The following XRCC4 variants were observed in gnomAD, a reference collection of about 807,000 sequenced individuals.
The protein encoded by XRCC4 is DNA repair protein XRCC4.
Under a neutral mutation model 39.1 loss-of-function variants are expected in XRCC4, and 28 were observed. That is an observed-to-expected ratio of 0.72 (90% CI 0.53 to 0.98). The LOEUF (loss-of-function observed/expected upper bound fraction) is 0.98. XRCC4 is among the 50% of genes least tolerant of loss of function. The pLI is 0.00. For synonymous variants in XRCC4, 123 were observed against 126.4 expected (o/e 0.97, Z 0.18); for missense variants, 350 against 376.4 (o/e 0.93, Z 0.58).
At chr5:83,326,631 G>T (rs1175121565) in intron 7 of XRCC4, among the ~76,000 whole-genome samples, 3 of 151,926 alleles carry the variant, frequency 2.0e-5, no homozygotes, top group Non-Finnish European at 2.9e-5. Flanking sequence ...TTGAAGTTTT[G>T]CTTTTACAAG....
At chr5:83,347,742 C>CA (rs1057053329) in intron 7 of XRCC4, among the ~76,000 whole-genome samples, 1 of 152,120 alleles carries the variant, frequency 6.6e-6, no homozygotes, top group African/African-American at 2.4e-5. Context: ...AAGAGTCCCC[C>CA]AAAATCTTAA....
chr5:83,258,913 A>G (rs539688591), intron 7 of XRCC4: 42 of 445,694 alleles, frequency 9.4e-5, no homozygotes, highest in African/African-American at 7.5e-4. Context: ...CATGGTTTTT[A>G]TAGATTAATT....
intron 3 of XRCC4, among the ~76,000 whole-genome samples, chr5:83,186,976 C>A (rs1245405668): frequency 5.0e-5 from 2 of 40,144 alleles, no homozygotes; most frequent in African/African-American, 3.5e-4. Flanking sequence ...CGGAGTCTCG[C>A]TCTGTCGCCC....
chr5:83,137,096 C>T (rs1747936731), intron 3 of XRCC4, among the ~76,000 whole-genome samples: 1 of 151,998 alleles, frequency 6.6e-6, no homozygotes, highest in South Asian at 2.1e-4. Flanking sequence ...TTATGATTAC[C>T]ATCCAAAAGT....
At chr5:83,310,584 T>C (rs1365300412) in intron 7 of XRCC4, among the ~76,000 whole-genome samples, 1 of 152,150 alleles carries the variant, frequency 6.6e-6, no homozygotes, top group African/African-American at 2.4e-5. Context: ...GAATCTATGG[T>C]GACATGTGAA....
intron 1 of XRCC4, among the ~76,000 whole-genome samples, chr5:83,100,145 G>T (rs1452118946): frequency 1.3e-5 from 2 of 152,122 alleles, no homozygotes; most frequent in Non-Finnish European, 2.9e-5. Flanking sequence ...TTACTTGTAG[G>T]ATACTATGTT....
chr5:83,154,499 C>G (rs191675110), intron 3 of XRCC4, among the ~76,000 whole-genome samples: 1 of 152,154 alleles, frequency 6.6e-6, no homozygotes, highest in Non-Finnish European at 1.5e-5. Context: ...TGGTCCCAAG[C>G]ATTTCAGATA....
At chr5:83,137,746 T>C (rs896820787) in intron 3 of XRCC4, among the ~76,000 whole-genome samples, 2 of 152,090 alleles carry the variant, frequency 1.3e-5, no homozygotes, top group African/African-American at 4.8e-5. Flanking sequence ...AATTAATTAG[T>C]GTGTGTGTGT....
chr5:83,253,171 A>G (rs1410095275), intron 6 of XRCC4, among the ~76,000 whole-genome samples: 1 of 152,196 alleles, frequency 6.6e-6, no homozygotes, highest in Non-Finnish European at 1.5e-5. Flanking sequence ...ACAGAACAAA[A>G]GTAAAGGTAT....
chr5:83,303,284 A>G (rs1418285616), intron 7 of XRCC4, among the ~76,000 whole-genome samples: 3 of 152,204 alleles, frequency 2.0e-5, no homozygotes, highest in South Asian at 4.1e-4. Flanking sequence ...TTAAGAATCT[A>G]AAGTATATTG....
At chr5:83,249,306 T>C (rs1328907041) in intron 6 of XRCC4, among the ~76,000 whole-genome samples, 3 of 152,184 alleles carry the variant, frequency 2.0e-5, no homozygotes, top group African/African-American at 4.8e-5. Context: ...TTCTTATTCC[T>C]TCTAAATGAA....
At chr5:83,290,989 T>G (rs1754903817) in intron 7 of XRCC4, among the ~76,000 whole-genome samples, 1 of 151,928 alleles carries the variant, frequency 6.6e-6, no homozygotes, top group Non-Finnish European at 1.5e-5. Flanking sequence ...TTCAAAACTT[T>G]AAAATCAACA....
At chr5:83,345,225 A>G (rs189847033) in intron 7 of XRCC4, among the ~76,000 whole-genome samples, 8 of 152,284 alleles carry the variant, frequency 5.3e-5, no homozygotes, top group Admixed American at 1.3e-4. Flanking sequence ...TTCAAATGCA[A>G]TTCAGTGTAT....
the XRCC4 span, among the ~76,000 whole-genome samples, chr5:83,364,841 T>C: frequency 1.1e-3 from 175 of 152,324 alleles, 2 homozygotes; most frequent in African/African-American, 4.0e-3. Flanking sequence ...ATGTGCACCT[T>C]TGGTGCCTGT....
At chr5:83,350,937 T>A (rs546342814) in intron 7 of XRCC4, among the ~76,000 whole-genome samples, 1 of 152,284 alleles carries the variant, frequency 6.6e-6, no homozygotes, top group African/African-American at 2.4e-5. Flanking sequence ...TGAGTTAATG[T>A]TTGTATATGT....
intron 7 of XRCC4, among the ~76,000 whole-genome samples, chr5:83,263,981 C>G (rs893998236): frequency 6.6e-6 from 1 of 151,944 alleles, no homozygotes; most frequent in Non-Finnish European, 1.5e-5. Flanking sequence ...GGTTTTAGGT[C>G]TAACGTTCTT....
intron 6 of XRCC4, among the ~76,000 whole-genome samples, chr5:83,251,750 T>G (rs918592102): frequency 3.3e-5 from 5 of 152,150 alleles, no homozygotes; most frequent in African/African-American, 1.2e-4. Context: ...TAAGTCTGAC[T>G]TATAGCTGTA....
chr5:83,197,730 C>T (rs1331316862), intron 4 of XRCC4, among the ~76,000 whole-genome samples: 1 of 152,114 alleles, frequency 6.6e-6, no homozygotes, highest in East Asian at 1.9e-4. Context: ...TGTACCCTGT[C>T]ACCTGCTTTA....
rs28360127 is a variant in XRCC4 at position 83,194,436 on chromosome 5, C to T, written c.316-1334C>T. On this transcript the variant is annotated intron_variant, in intron 3 of 7. Transcript: ENST00000396027. Reference sequence around the variant, plus strand: ...ACTGCAATTGCTTTTTCAAACTGTACGAATGCAGTTTCACAGTGGATGTCT... The same window carrying T: ...ACTGCAATTGCTTTTTCAAACTGTATGAATGCAGTTTCACAGTGGATGTCT... 4.7e-4 allele frequency among the ~76,000 whole-genome samples: 72 copies of T among 152,232 alleles called. No individual in the cohort carries two copies. The East Asian group carries it at 0.012, about 26-fold the overall frequency.
Sources: gnomAD v4.1 joint callset for allele counts (sites outside exome capture counted in the v4.1 genomes callset) on GRCh38, gnomAD v4.1.1 for gene constraint, MANE v1.5 for transcripts, NCBI Gene and HGNC (gene_info 2026-07-23, HGNC 2026-07-21) for gene names.